The following CC2D2A variants were observed in gnomAD, a reference collection of about 807,000 sequenced individuals.
CC2D2A encodes coiled-coil and C2 domain-containing protein 2A.
Under a neutral mutation model 212.9 loss-of-function variants are expected in CC2D2A, and 155 were observed. The observed-to-expected ratio is 0.73, with a 90% CI of 0.64 to 0.83. CC2D2A has a LOEUF of 0.83. CC2D2A is among the 40% of genes least tolerant of loss of function. CC2D2A has a pLI of 0.00. For synonymous variants in CC2D2A, 667 were observed against 686.5 expected, an observed-to-expected ratio of 0.97 and a Z score of 0.44; for missense variants, 1,856 against 1,956.2, an observed-to-expected ratio of 0.95 and a Z score of 0.97.
At chr4:15,490,219 T>C (rs1715219610) in intron 4 of CC2D2A, among the ~76,000 whole-genome samples, 1 of 152,224 alleles carries the variant, frequency 6.6e-6, no homozygotes, top group Admixed American at 6.5e-5. Context: ...GGTAGATATA[T>C]AAACATGCAA....
intron 11 of CC2D2A, among the ~76,000 whole-genome samples, 188 bp downstream of exon 11, chr4:15,516,944 CTTTTTTTTTT>C (rs397992357): frequency 1.0e-5 from 1 of 95,792 alleles, no homozygotes; most frequent in African/African-American, 4.1e-5. Context: ...TGCATCCCTT[CTTTTTTTTTT>C]TTTTTTTTTT....
chr4:15,558,030 G>C (rs1719377253), intron 21 of CC2D2A, among the ~76,000 whole-genome samples: 1 of 152,182 alleles, frequency 6.6e-6, no homozygotes, highest in African/African-American at 2.4e-5. Context: ...GCAGCAGGAG[G>C]AACAAAGACT....
At chr4:15,578,563 C>G (rs1306752896) in intron 29 of CC2D2A, among the ~76,000 whole-genome samples, 1 of 152,170 alleles carries the variant, frequency 6.6e-6, no homozygotes, top group Non-Finnish European at 1.5e-5. Flanking sequence ...GTGGGAAAGA[C>G]TGAGAAAACA....
chr4:15,537,080 T>C lies in CC2D2A; in HGVS notation c.1764+4T>C, dbSNP rs1429564350. On this transcript the variant is annotated splice_donor_region_variant and intron_variant, in intron 15 of 36. Coordinates refer to ENST00000424120, the MANE Select transcript of CC2D2A (RefSeq NM_001378615.1). The stretch of plus-strand genomic sequence containing the variant: ...GAAGGCCTGGAGGAAAGTGCAAGTG[T>C]GTAAACAAACACTCAGCCTGGAATA... The C allele has an allele frequency of 6.2e-7, 1 of 1,612,648 alleles. No homozygotes were observed. The highest frequency in any genetic ancestry group is 8.5e-7 in the Non-Finnish European group (1 of 1,179,108).
intron 2 of CC2D2A, 61 bp downstream of exon 2, chr4:15,476,032 G>A (rs1204731438): frequency 7.5e-6 from 11 of 1,462,576 alleles, no homozygotes; most frequent in South Asian, 1.2e-5. Flanking sequence ...TATGTTACAC[G>A]TGTTTGTGAA....
intron 19 of CC2D2A, among the ~76,000 whole-genome samples, chr4:15,554,460 G>T (rs1173016974): frequency 6.6e-6 from 1 of 152,086 alleles, no homozygotes; most frequent in Non-Finnish European, 1.5e-5. Flanking sequence ...ATCACATGAG[G>T]TCAGGAGTTT....
chr4:15,476,095 A>G, intron 2 of CC2D2A, 124 bp downstream of exon 2: 1 of 794,882 alleles, frequency 1.3e-6, no homozygotes, highest in Non-Finnish European at 2.0e-6. Context: ...GAAAAGCTTT[A>G]CATGAATTAG....
chr4:15,558,924 TA>T (rs752150826), intron 21 of CC2D2A, among the ~76,000 whole-genome samples: 6 of 152,216 alleles, frequency 3.9e-5, no homozygotes, highest in Non-Finnish European at 5.9e-5. Context: ...CTTCCTGACT[TA>T]ACGTTTTAAC....
chr4:15,493,046 T>A (rs889388435), intron 4 of CC2D2A: 1 of 369,826 alleles, frequency 2.7e-6, no homozygotes, highest in African/African-American at 2.1e-5. Flanking sequence ...TATCCTAGTA[T>A]TCCATTCCCT....
rs1160568792 is a variant in CC2D2A, at chr4:15,478,721, A to G, written c.40-2A>G. Reference sequence around the variant, plus strand: ...TTCTCTCCCTTTTGCATTTTCACAAAGGAGTTCATTGAAAATGATGAGGAT... The same window carrying G: ...TTCTCTCCCTTTTGCATTTTCACAAGGGAGTTCATTGAAAATGATGAGGAT... On this transcript the variant is annotated splice_acceptor_variant, in intron 2 of 36. Transcript: ENST00000424120. LOFTEE classifies it high-confidence loss of function. The G allele has an allele frequency of 6.4e-7, 1 of 1,552,062 alleles. No individual in the cohort carries two copies. Among genetic ancestry groups the G allele is most frequent in the Non-Finnish European group, 8.7e-7 (1 of 1,147,026 alleles).
intron 26 of CC2D2A, among the ~76,000 whole-genome samples, chr4:15,568,728 T>C (rs1720014322): frequency 6.6e-6 from 1 of 152,182 alleles, no homozygotes; most frequent in Non-Finnish European, 1.5e-5. Flanking sequence ...ACACCAGCCC[T>C]GCCATGCAGA....
At chr4:15,571,993 A>C (rs558482483) in intron 28 of CC2D2A, among the ~76,000 whole-genome samples, 19 of 152,284 alleles carry the variant, frequency 1.2e-4, no homozygotes, top group Non-Finnish European at 2.6e-4. Context: ...TCTTCCCAAT[A>C]GCTCTGTCAT....
intron 4 of CC2D2A, among the ~76,000 whole-genome samples, chr4:15,500,163 C>A: frequency 7.0e-6 from 1 of 142,574 alleles, no homozygotes; most frequent in African/African-American, 2.6e-5. Context: ...ACCAAATGTC[C>A]CAGCATCATT....
chr4:15,490,319 G>C lies in CC2D2A; in HGVS notation c.247+9492G>C, dbSNP rs1258582278. Among the ~76,000 whole-genome samples the C allele has an allele frequency of 2.0e-5, 3 of 152,144 alleles. No individual in the cohort carries two copies. In the East Asian group the frequency reaches 5.8e-4, roughly 29 times the overall value. ...GCCTCCACTCCTAGCCCTAGCTCCA[G>C]ACAAACACTGATCTGTTTTCTATCC... On this transcript the variant is annotated intron_variant, in intron 4 of 36. Transcript: ENST00000424120.
chr4:15,546,153 T>A (rs374204270), intron 17 of CC2D2A, among the ~76,000 whole-genome samples: 1 of 152,012 alleles, frequency 6.6e-6, no homozygotes, highest in African/African-American at 2.4e-5. Context: ...TTGGACTTCA[T>A]GGGACAGGGG....
intron 6 of CC2D2A, among the ~76,000 whole-genome samples, chr4:15,508,041 GCTT>G (rs1367456257): frequency 1.3e-5 from 2 of 152,124 alleles, no homozygotes; most frequent in African/African-American, 4.8e-5. Flanking sequence ...AGAACTTGAG[GCTT>G]CTTCTTCAGT....
intron 29 of CC2D2A, among the ~76,000 whole-genome samples, 163 bp downstream of exon 29, chr4:15,574,489 AG>A (rs1484721811): frequency 6.6e-6 from 1 of 152,188 alleles, no homozygotes; most frequent in African/African-American, 2.4e-5. Context: ...GTGAGAAAAC[AG>A]ATGTGTGGGT....
At chr4:15,547,418 A>T (rs1310458736) in intron 17 of CC2D2A, among the ~76,000 whole-genome samples, 4 of 152,112 alleles carry the variant, frequency 2.6e-5, no homozygotes, top group Non-Finnish European at 5.9e-5. Context: ...CCTTCTAACT[A>T]TATTTCTATA....
At position 15,550,917 on chromosome 4, in the gene CC2D2A, A is replaced by G. The variant is rs1226753536; in HGVS notation, c.2275A>G (p.Thr759Ala). ...TACTGTTGTCACTGGAAGGGCTCCTACTGAAGAAGTGGAGTTTAGCAGTAA... is the reference window on the plus strand; with the variant it reads ...TACTGTTGTCACTGGAAGGGCTCCTGCTGAAGAAGTGGAGTTTAGCAGTAA... ...ETTVVTGRAP[T>A]EEVEFSSNQH... Residue 759 changes from threonine to alanine, a missense_variant, in exon 18 of 37, where the codon ACT becomes GCT. By Grantham distance (58) the Thr-to-Ala change is moderately conservative. Transcript: ENST00000424120. 1 of 1,609,736 alleles carries G rather than the reference A, an allele frequency of 6.2e-7. No individual in the cohort carries two copies. Among genetic ancestry groups the G allele is most frequent in the South Asian group, 1.1e-5 (1 of 90,822 alleles).
Sources: gnomAD v4.1 joint callset for allele counts (sites outside exome capture counted in the v4.1 genomes callset) on GRCh38, gnomAD v4.1.1 for gene constraint, MANE v1.5 for transcripts, NCBI Gene and HGNC (gene_info 2026-07-23, HGNC 2026-07-21) for gene names.